Variants in SLC29A3 observed in about 807,000 individuals in gnomAD.
SLC29A3 encodes solute carrier family 29 member 3, also known as equilibrative nucleoside transporter 3.
SLC29A3 carries 18 observed loss-of-function variants against 25.4 expected under a neutral mutation model. The observed-to-expected ratio is 0.71, with a 90% CI of 0.49 to 1.05. SLC29A3 has a LOEUF of 1.05. Among genes scored for constraint, SLC29A3 ranks in the 50% least tolerant of loss-of-function variants. The pLI, the probability that SLC29A3 is intolerant of heterozygous loss-of-function variation, is 0.00. For synonymous variants in SLC29A3, 258 were observed against 267.1 expected (o/e 0.97, Z 0.33); for missense variants, 586 against 609.0 (o/e 0.96, Z 0.40).
At chr10:71,378,609 A>G (rs1057365685) in intron 4 of SLC29A3, among the ~76,000 whole-genome samples, 1 of 152,236 alleles carries the variant, frequency 6.6e-6, no homozygotes, top group Non-Finnish European at 1.5e-5. Context: ...ACTAGTTAGA[A>G]ATGCAAATTC....
chr10:71,322,872 C>A lies in SLC29A3; in HGVS notation c.118C>A (p.Pro40Thr). The A allele has an allele frequency of 6.2e-7, 1 of 1,614,206 alleles. No individual in the cohort carries two copies. Among genetic ancestry groups the A allele is most frequent in the Non-Finnish European group, 8.5e-7 (1 of 1,180,018 alleles). ...GCTTGAGAAGCTGCTGGACCGCCCG[C>A]CCCCTGGCCTGCAGAGGCCCGAGGA... ...ALLEKLLDRP[P>T]PGLQRPEDRF... The change falls in exon 2 of 6, where the codon CCC (proline) becomes ACC (threonine). Residue 40 changes from proline (P) to threonine (T), a missense_variant. Pro to Thr is a conservative substitution (Grantham distance 38, BLOSUM62 -1). Coordinates refer to ENST00000373189, the MANE Select transcript of SLC29A3 (RefSeq NM_018344.6).
intron 4 of SLC29A3, among the ~76,000 whole-genome samples, chr10:71,378,100 G>GT (rs1284556519): frequency 7.2e-6 from 1 of 138,664 alleles, no homozygotes; most frequent in African/African-American, 2.7e-5. Flanking sequence ...AATGTTGGGG[G>GT]GGGGGGTCCT....
At chr10:71,363,808 C>CTTTTTTTTTTTTTTTTT (rs71012277), downstream of SLC29A3, among the ~76,000 whole-genome samples, 218 of 103,662 alleles carry the variant, frequency 2.1e-3, 11 homozygotes, top group Non-Finnish European at 2.7e-3. Flanking sequence ...TTTCCTTTTT[C>CTTTTTTTTTTTTTTTTT]TTTTCTTTTT....
intron 5 of SLC29A3, among the ~76,000 whole-genome samples, chr10:71,357,796 A>T (rs1044665282): frequency 6.6e-6 from 1 of 152,092 alleles, no homozygotes; most frequent in Non-Finnish European, 1.5e-5. Context: ...CTCGTGTTTT[A>T]TTCTTTTCAA....
intron 2 of SLC29A3, among the ~76,000 whole-genome samples, chr10:71,328,639 A>T (rs951524416): frequency 2.0e-5 from 3 of 152,200 alleles, no homozygotes; most frequent in Admixed American, 2.0e-4. Flanking sequence ...TTGTCACATT[A>T]GTTATTGTAA....
At chr10:71,333,418 A>G (rs1846167212) in intron 2 of SLC29A3, among the ~76,000 whole-genome samples, 1 of 152,248 alleles carries the variant, frequency 6.6e-6, no homozygotes, top group Non-Finnish European at 1.5e-5. Flanking sequence ...GTTTCTGCCC[A>G]CATGCACCTC....
chr10:71,347,279 T>C (rs569566835), intron 3 of SLC29A3, among the ~76,000 whole-genome samples: 3 of 152,300 alleles, frequency 2.0e-5, no homozygotes, highest in South Asian at 2.1e-4. Context: ...TGGAGACTTA[T>C]GAAGAAATCA....
At chr10:71,374,296 G>A (rs2131859644) in intron 3 of SLC29A3, among the ~76,000 whole-genome samples, 1 of 152,256 alleles carries the variant, frequency 6.6e-6, no homozygotes, top group Non-Finnish European at 1.5e-5. Context: ...GATTTAGGGG[G>A]CTCCCTTTCC....
chr10:71,378,127 T>TA (rs1589249141), intron 4 of SLC29A3, among the ~76,000 whole-genome samples: 1 of 149,944 alleles, frequency 6.7e-6, no homozygotes, highest in East Asian at 1.9e-4. Context: ...GAAAAAAGAA[T>TA]AAAAAATTAC....
At chr10:71,361,856 G>A in intron 5 of SLC29A3, 98 bp from the exon 6 acceptor site, 2 of 1,437,628 alleles carry the variant, frequency 1.4e-6, no homozygotes, top group Non-Finnish European at 1.9e-6. Context: ...GGCTCTCCAT[G>A]CTGGGCTGGA....
At chr10:71,338,514 T>G (rs1421974534) in intron 2 of SLC29A3, among the ~76,000 whole-genome samples, 1 of 152,028 alleles carries the variant, frequency 6.6e-6, no homozygotes, top group Non-Finnish European at 1.5e-5. Context: ...TCCCAACACT[T>G]TGGGAGGTCA....
rs536475787 is a variant in SLC29A3 at position 71,355,890 on chromosome 10, C to G, written c.611-191C>G. Among the ~76,000 whole-genome samples, 4 of 152,344 alleles carry G rather than the reference C, an allele frequency of 2.6e-5. No homozygotes were observed. The South Asian group carries it at 8.3e-4, about 32-fold the overall frequency. The stretch of plus-strand genomic sequence containing the variant: ...GGGGAAAATGACCCCCTTGGAAACT[C>G]AGGAAATGCTGGAAATGCTTGGCTG... On this transcript the variant is annotated intron_variant, in intron 4 of 5. Transcript: ENST00000373189.
Position 71,319,312 on chromosome 10 carries a change from T to A in SLC29A3, c.1+2T>A. 1 of 647,934 alleles carries A rather than the reference T, an allele frequency of 1.5e-6. No homozygotes were observed. The allele number at this position is 647,934 out of a possible 1,614,324, so 40.1% of individuals were successfully genotyped here. ...CGGCGGCGTGGCGCAGCGGCGACAG[T>A]AAGTGCGGGCCGGCTCGGGCTCTTC... is the stretch of plus-strand genomic sequence containing the variant. On this transcript the variant is annotated splice_donor_variant, in intron 1 of 5. Transcript: ENST00000373189. LOFTEE classifies it high-confidence loss of function.
intron 3 of SLC29A3, among the ~76,000 whole-genome samples, chr10:71,372,113 C>A (rs189494207): frequency 6.6e-6 from 1 of 152,118 alleles, no homozygotes; most frequent in African/African-American, 2.4e-5. Flanking sequence ...TGGCTTTAGG[C>A]GTGAGTCAGG....
chr10:71,364,860 A>G (rs888638185), downstream of SLC29A3: 2 of 152,200 alleles, frequency 1.3e-5, no homozygotes, highest in African/African-American at 4.8e-5. Flanking sequence ...TGGTTTTTTC[A>G]TTGACTTTAG....
intron 5 of SLC29A3, among the ~76,000 whole-genome samples, chr10:71,357,049 G>T (rs1020247709): frequency 6.6e-6 from 1 of 152,152 alleles, no homozygotes; most frequent in Non-Finnish European, 1.5e-5. Flanking sequence ...CTGGGCTCAA[G>T]CTGTCCTTCC....
At chr10:71,373,425 G>A (rs556542214) in intron 3 of SLC29A3, among the ~76,000 whole-genome samples, 4 of 152,280 alleles carry the variant, frequency 2.6e-5, no homozygotes, top group African/African-American at 9.6e-5. Flanking sequence ...AAGAACCTCA[G>A]GCTCTGCCCT....
At chr10:71,349,315 C>T (rs1336272757) in intron 3 of SLC29A3, among the ~76,000 whole-genome samples, 1 of 152,142 alleles carries the variant, frequency 6.6e-6, no homozygotes, top group Non-Finnish European at 1.5e-5. Flanking sequence ...TGCACCACCC[C>T]TGGGCTCCGT....
chr10:71,322,751 A>C lies in SLC29A3; in HGVS notation c.2-5A>C, dbSNP rs1564524983. The stretch of plus-strand genomic sequence containing the variant: ...CTGTCTCTGTTGCCCTCCTTGCTCC[A>C]ATAGTGGCCGTTGTCTCAGAGGACG... On this transcript the variant is annotated splice_region_variant and splice_polypyrimidine_tract_variant and intron_variant, in intron 1 of 5. Transcript: ENST00000373189. 2 of 1,614,044 alleles carry C rather than the reference A, an allele frequency of 1.2e-6. No homozygotes were observed. The highest frequency in any genetic ancestry group is 8.5e-7 in the Non-Finnish European group (1 of 1,180,034).
Sources: gnomAD v4.1 joint callset for allele counts (sites outside exome capture counted in the v4.1 genomes callset) on GRCh38, gnomAD v4.1.1 for gene constraint, MANE v1.5 for transcripts, NCBI Gene and HGNC (gene_info 2026-07-23, HGNC 2026-07-21) for gene names.